PPARD: variants seen among roughly 807,000 people sequenced by gnomAD.
The protein encoded by PPARD is peroxisome proliferator-activated receptor delta.
A neutral mutation model predicts 39.5 loss-of-function variants in PPARD; 6 were observed. The observed-to-expected ratio is 0.15, with a 90% CI of 0.08 to 0.30. PPARD has a LOEUF of 0.30. PPARD is among the 10% of genes least tolerant of loss of function. The pLI is 1.00. For missense variants in PPARD, 397 were observed against 596.8 expected, an observed-to-expected ratio of 0.67 and a Z score of 3.49; for synonymous variants, 210 against 231.3, an observed-to-expected ratio of 0.91 and a Z score of 0.83.
chr6:35,404,349 A>G (rs777204729), intron 2 of PPARD, among the ~76,000 whole-genome samples: 6 of 152,216 alleles, frequency 3.9e-5, no homozygotes, highest in Non-Finnish European at 8.8e-5. Flanking sequence ...CAACATACAC[A>G]GAGCATGGTG....
At chr6:35,347,731 C>T (rs151133610) in intron 2 of PPARD, among the ~76,000 whole-genome samples, 17 of 152,058 alleles carry the variant, frequency 1.1e-4, no homozygotes, top group African/African-American at 3.9e-4. Flanking sequence ...GTCTCAGCCT[C>T]CCAAGTAGCT....
At chr6:35,385,771 G>T (rs1413937121) in intron 2 of PPARD, among the ~76,000 whole-genome samples, 2 of 152,064 alleles carry the variant, frequency 1.3e-5, no homozygotes, top group Non-Finnish European at 2.9e-5. Flanking sequence ...CCTCCGTGTG[G>T]TATTTAGACA....
intron 2 of PPARD, among the ~76,000 whole-genome samples, chr6:35,397,818 G>A (rs892111752): frequency 1.3e-4 from 20 of 152,322 alleles, no homozygotes; most frequent in African/African-American, 4.8e-4. Context: ...AGTACCTGAG[G>A]GTGGACTACG....
At chr6:35,404,953 T>G (rs919146631) in intron 2 of PPARD, among the ~76,000 whole-genome samples, 11 of 142,216 alleles carry the variant, frequency 7.7e-5, no homozygotes, top group African/African-American at 1.9e-4. Flanking sequence ...ACTGCAGGCT[T>G]TGTGTGTGTG....
intron 2 of PPARD, among the ~76,000 whole-genome samples, chr6:35,373,016 G>A (rs985364602): frequency 2.0e-5 from 3 of 152,220 alleles, no homozygotes; most frequent in African/African-American, 7.2e-5. Flanking sequence ...GGTGAAGGCT[G>A]CTGTCCACTT....
chr6:35,347,766 G>A (rs556998606), intron 2 of PPARD, among the ~76,000 whole-genome samples: 2 of 151,030 alleles, frequency 1.3e-5, no homozygotes, highest in African/African-American at 2.4e-5. Flanking sequence ...CTGCCACCAC[G>A]CCCGGCTAAT....
chr6:35,396,900 A>G (rs1043781564), intron 2 of PPARD, among the ~76,000 whole-genome samples: 11 of 151,912 alleles, frequency 7.2e-5, no homozygotes, highest in Middle Eastern at 3.4e-3. Flanking sequence ...GGCTCAAGCA[A>G]TCCTCCCATC....
Position 35,423,996 on chromosome 6 carries a change from G to T in PPARD, c.475G>T (p.Gly159Trp), listed in dbSNP as rs1255732094. 6.2e-7 allele frequency: 1 copy of T among 1,614,084 alleles called. No homozygotes were observed. The highest frequency in any genetic ancestry group is 1.3e-5 in the African/African-American group (1 of 74,926). Residue 159 changes from glycine to tryptophan, a missense_variant, in exon 6 of 8, where the codon GGG (glycine) becomes TGG (tryptophan). Transcript: ENST00000360694. ...PEAEKRKLVAGLTANEGSQYN... is the reference protein window; with the variant it reads ...PEAEKRKLVAWLTANEGSQYN... ...GGCTGAGAAGAGGAAGCTGGTGGCA[G>T]GGCTGACTGCAAACGAGGGGAGCCA... is the stretch of plus-strand genomic sequence containing the variant.
chr6:35,421,876 C>A lies in PPARD; in HGVS notation c.342C>A (p.Ser114Arg). Residue 114 changes from serine (S) to arginine (R), a missense_variant, in exon 5 of 8, where the codon AGC (serine) becomes AGA (arginine). Physicochemically the swap from Ser to Arg is moderately radical, Grantham distance 110 (BLOSUM62 -1). Coordinates refer to ENST00000360694, the MANE Select transcript of PPARD (RefSeq NM_006238.5). The part of the protein sequence containing the change: ...MKLEYEKCER[S>R]CKIQKKNRNK... ...TGGAGTACGAGAAGTGTGAGCGCAG[C>A]TGCAAGATTCAGAAGAAGAACCGCA... 1.2e-6 allele frequency: 2 copies of A among 1,614,076 alleles called. No homozygotes were observed. Among genetic ancestry groups the A allele is most frequent in the Non-Finnish European group, 1.7e-6 (2 of 1,179,980 alleles).
chr6:35,384,139 G>A (rs1296364838), intron 2 of PPARD, among the ~76,000 whole-genome samples: 15 of 141,610 alleles, frequency 1.1e-4, no homozygotes, highest in African/African-American at 4.0e-4. Context: ...GGTGAGGGGC[G>A]CCTCTGCCTG....
intron 2 of PPARD, among the ~76,000 whole-genome samples, chr6:35,382,698 G>A (rs1313528719): frequency 6.6e-6 from 1 of 152,188 alleles, no homozygotes. Context: ...GTTTGAAAGT[G>A]TCAGAGAAGG....
chr6:35,420,158 G>A lies in PPARD; in HGVS notation c.162G>A (p.Leu54=), dbSNP rs202193064. The A allele has an allele frequency of 1.1e-4, 178 of 1,613,594 alleles. 2 individuals are homozygous for A. In the South Asian group the frequency reaches 1.7e-3, roughly 15 times the overall value. ...DLSRSSSPPS[L]LDQLQMGCDG... is the part of the protein sequence containing the mutation. ...CCCGGAGCTCCTCGCCACCCTCACT[G>A]CTGGACCAACTGCAGATGGGCTGTG... The change falls in exon 4 of 8, where the codon CTG becomes CTA. Residue 54 remains leucine, a synonymous_variant. Coordinates refer to ENST00000360694, the MANE Select transcript of PPARD (RefSeq NM_006238.5).
intron 2 of PPARD, among the ~76,000 whole-genome samples, chr6:35,396,186 T>G (rs1279862154): frequency 3.3e-5 from 5 of 151,972 alleles, no homozygotes; most frequent in Non-Finnish European, 2.9e-5. Flanking sequence ...TTGAAACTCT[T>G]AAGTATTTTA....
rs374314233 is a variant in PPARD at position 35,355,863 on chromosome 6, A to G, written c.-102+8713A>G. Among the ~76,000 whole-genome samples the G allele has an allele frequency of 4.0e-5, 6 of 151,664 alleles. No individual in the cohort carries two copies. The South Asian group carries it at 6.3e-4, about 16-fold the overall frequency. ...CCTGACCTTGTGATCCGCCCGTCTC[A>G]GCCTCCCAAAGTGCTGGGATTACAG... is the stretch of plus-strand genomic sequence containing the variant. On this transcript the variant is annotated intron_variant, in intron 2 of 7. Transcript: ENST00000360694.
Position 35,345,940 on chromosome 6 carries a change from G to T in PPARD, c.-185-1127G>T, listed in dbSNP as rs9658062. On this transcript the variant is annotated intron_variant, in intron 1 of 7. Coordinates refer to ENST00000360694, the MANE Select transcript of PPARD (RefSeq NM_006238.5). ...CGCCCAGGCTGGAGTGCAGTGGTGC[G>T]ATCTTGGCTCACTGCAAGCTCCATC... is the stretch of plus-strand genomic sequence containing the variant. Among the ~76,000 whole-genome samples the T allele has an allele frequency of 4.5e-4, 67 of 148,274 alleles. 5 individuals are homozygous for T. Among genetic ancestry groups the T allele is most frequent in the Middle Eastern group, 6.9e-3 (2 of 288 alleles).
chr6:35,356,075 A>G (rs1325499489), intron 2 of PPARD, among the ~76,000 whole-genome samples: 1 of 152,094 alleles, frequency 6.6e-6, no homozygotes, highest in Non-Finnish European at 1.5e-5. Context: ...GCTAATGGTA[A>G]CTCAGCTTGG....
At chr6:35,348,487 C>T in intron 2 of PPARD, 2 of 985,424 alleles carry the variant, frequency 2.0e-6, no homozygotes, top group South Asian at 9.4e-5. Context: ...ATACAATGTT[C>T]ATTGTCCTAT....
chr6:35,385,196 C>T (rs1346275441), intron 2 of PPARD, among the ~76,000 whole-genome samples: 70 of 146,416 alleles, frequency 4.8e-4, no homozygotes, highest in African/African-American at 1.5e-3. Context: ...AATAGAAAGG[C>T]GGGAAAGGTG....
At position 35,363,026 on chromosome 6, in the gene PPARD, C is replaced by T. The variant is rs1047680736; in HGVS notation, c.-102+15876C>T. 2.0e-5 allele frequency among the ~76,000 whole-genome samples: 3 copies of T among 152,172 alleles called. No individual in the cohort carries two copies. Among genetic ancestry groups the T allele is most frequent in the Non-Finnish European group, 4.4e-5 (3 of 68,042 alleles). ...TCTCCCTGGGCAGTAGGCAGGGATC[C>T]GAGCATAGAGGAAGATGTTCCATGC... On this transcript the variant is annotated intron_variant, in intron 2 of 7. Coordinates refer to ENST00000360694, the MANE Select transcript of PPARD (RefSeq NM_006238.5). The surrounding 1 kb of genome is among the most constrained non-coding windows in gnomAD (Gnocchi z 4.5).
Sources: gnomAD v4.1 joint callset for allele counts (sites outside exome capture counted in the v4.1 genomes callset) on GRCh38, gnomAD v4.1.1 for gene constraint, Gnocchi (gnomAD v3.1) non-coding constraint, MANE v1.5 for transcripts, NCBI Gene and HGNC (gene_info 2026-07-23, HGNC 2026-07-21) for gene names.